MRPL1: variants seen among roughly 807,000 people sequenced by gnomAD.
The protein encoded by MRPL1 is mitochondrial ribosomal protein L1, also known as large ribosomal subunit protein uL1m.
In MRPL1, 28 loss-of-function variants were observed where a neutral mutation model predicts 38.0. That is an observed-to-expected ratio of 0.74 (90% CI 0.55 to 1.01). The LOEUF is 1.01. Ranked by LOEUF, MRPL1 falls within the 50% of genes least tolerant of loss-of-function variation. The pLI, the probability that MRPL1 is intolerant of heterozygous loss-of-function variation, is 0.00. For missense variants in MRPL1, 358 were observed against 389.8 expected (o/e 0.92, Z 0.69); for synonymous variants, 123 against 126.7 (o/e 0.97, Z 0.20).
chr4:77,941,115 A>G (rs1737117350), intron 7 of MRPL1, among the ~76,000 whole-genome samples: 1 of 152,116 alleles, frequency 6.6e-6, no homozygotes, highest in South Asian at 2.1e-4. Context: ...AAAATACAAA[A>G]TTAGCCGGGC....
intron 7 of MRPL1, among the ~76,000 whole-genome samples, chr4:77,931,613 C>T (rs888626038): frequency 6.6e-6 from 1 of 152,156 alleles, no homozygotes; most frequent in African/African-American, 2.4e-5. Flanking sequence ...ACTTTTGTTG[C>T]CAACCATTAC....
At chr4:77,900,044 C>T (rs761547403) in intron 6 of MRPL1, among the ~76,000 whole-genome samples, 5 of 152,162 alleles carry the variant, frequency 3.3e-5, no homozygotes, top group Non-Finnish European at 5.9e-5. Context: ...TTCATTATAA[C>T]ATCCATCCCA....
Position 77,898,814 on chromosome 4 carries a change from G to T in MRPL1, c.670+4564G>T, listed in dbSNP as rs535796111. ...CAGCTTGGACTATATACAATTTATAGTTTTTTTTTTATCAGAATAATTGTA... is the reference window on the plus strand; with the variant it reads ...CAGCTTGGACTATATACAATTTATATTTTTTTTTTTATCAGAATAATTGTA... On this transcript the variant is annotated intron_variant, in intron 6 of 8. Coordinates refer to ENST00000315567, the MANE Select transcript of MRPL1 (RefSeq NM_020236.4). Among the ~76,000 whole-genome samples the T allele has an allele frequency of 1.2e-3, 177 of 149,162 alleles. 1 individual carries two copies. Among genetic ancestry groups the T allele is most frequent in the African/African-American group, 4.3e-3 (176 of 40,760 alleles).
chr4:77,881,596 T>C (rs4859888), intron 2 of MRPL1, among the ~76,000 whole-genome samples: 116,213 of 151,900 alleles, frequency 0.77, 45,248 homozygotes, highest in African/African-American at 0.91. Flanking sequence ...TGTGTACCAC[T>C]ATGCCCAGCT....
chr4:77,939,530 G>A (rs549567562), intron 7 of MRPL1, among the ~76,000 whole-genome samples: 1 of 152,270 alleles, frequency 6.6e-6, no homozygotes, highest in African/African-American at 2.4e-5. Flanking sequence ...CTGCGCAGAA[G>A]CTTTTTAGTT....
chr4:77,934,310 G>A (rs947287159), intron 7 of MRPL1, among the ~76,000 whole-genome samples: 3 of 152,176 alleles, frequency 2.0e-5, no homozygotes, highest in African/African-American at 7.2e-5. Context: ...TATGATATGA[G>A]ACTTGAATCT....
chr4:77,952,631 T>C lies in MRPL1; in HGVS notation c.*24T>C. 2 of 1,454,900 alleles carry C rather than the reference T, an allele frequency of 1.4e-6. No individual in the cohort carries two copies. The allele number at this position is 1,454,900 out of a possible 1,614,324, so 90.1% of individuals were successfully genotyped here. ...AAATGTGGTGAATTGTGAAATTACT[T>C]TCAGTGGTTTAAGAAGCAATGGAGA... On this transcript the variant is annotated 3_prime_UTR_variant, in exon 9 of 9. Transcript: ENST00000315567.
At chr4:77,921,341 T>C (rs1344917274) in intron 7 of MRPL1, among the ~76,000 whole-genome samples, 3 of 152,168 alleles carry the variant, frequency 2.0e-5, no homozygotes, top group Admixed American at 1.3e-4. Flanking sequence ...AATATATATG[T>C]ACTTATGATG....
At chr4:77,865,404 A>G (rs1735104113) in intron 1 of MRPL1, among the ~76,000 whole-genome samples, 1 of 151,408 alleles carries the variant, frequency 6.6e-6, no homozygotes, top group Non-Finnish European at 1.5e-5. Context: ...TGTCCAGGCC[A>G]AAACCTCAGA....
At chr4:77,934,353 TAGAA>T (rs1326212524) in intron 7 of MRPL1, among the ~76,000 whole-genome samples, 5 of 152,160 alleles carry the variant, frequency 3.3e-5, no homozygotes, top group Admixed American at 6.5e-5. Flanking sequence ...AATTCAATAA[TAGAA>T]AGATAAATAA....
At chr4:77,918,258 A>T (rs1736470679) in intron 7 of MRPL1, among the ~76,000 whole-genome samples, 1 of 152,128 alleles carries the variant, frequency 6.6e-6, no homozygotes, top group African/African-American at 2.4e-5. Context: ...CACATTATTG[A>T]TTCAACTGTT....
At chr4:77,889,656 A>T (rs1338741332) in intron 5 of MRPL1, among the ~76,000 whole-genome samples, 1 of 152,218 alleles carries the variant, frequency 6.6e-6, no homozygotes, top group East Asian at 1.9e-4. Flanking sequence ...GGAGATAGAG[A>T]TACAAAAAAC....
At chr4:77,949,963 T>C (rs1578067666) in intron 8 of MRPL1, 85 bp downstream of exon 8, 1 of 702,408 alleles carries the variant, frequency 1.4e-6, no homozygotes. Flanking sequence ...CAAATTAACA[T>C]GCAAGTATAA....
intron 6 of MRPL1, among the ~76,000 whole-genome samples, chr4:77,896,118 T>C (rs1464331872): frequency 1.3e-5 from 2 of 151,956 alleles, no homozygotes; most frequent in East Asian, 3.8e-4. Context: ...TTTGCTACTT[T>C]ATCCATTCTC....
rs567509925 is a variant in MRPL1 at position 77,903,556 on chromosome 4, A to G, written c.671-5710A>G. Among the ~76,000 whole-genome samples, 11 of 152,350 alleles carry G rather than the reference A, an allele frequency of 7.2e-5. No individual in the cohort carries two copies. In the South Asian group the frequency reaches 2.3e-3, roughly 32 times the overall value. On this transcript the variant is annotated intron_variant, in intron 6 of 8. Coordinates refer to ENST00000315567, the MANE Select transcript of MRPL1 (RefSeq NM_020236.4). ...TTCCCAGATGATACTAAGCTATTTT[A>G]GTGAGTGAATTCTAATTAGTGAATT...
chr4:77,898,989 A>ATTTT (rs745761741), intron 6 of MRPL1, among the ~76,000 whole-genome samples: 11 of 95,080 alleles, frequency 1.2e-4, no homozygotes, highest in African/African-American at 4.8e-4. Context: ...TTATGCACAG[A>ATTTT]TTTTTTTTTT....
At chr4:77,872,802 G>T (rs1422480379) in intron 2 of MRPL1, among the ~76,000 whole-genome samples, 1 of 152,198 alleles carries the variant, frequency 6.6e-6, no homozygotes, top group Non-Finnish European at 1.5e-5. Flanking sequence ...AGCAGAGGTT[G>T]CAGCAAGCCG....
At chr4:77,925,097 A>G (rs1736681341) in intron 7 of MRPL1, among the ~76,000 whole-genome samples, 1 of 152,214 alleles carries the variant, frequency 6.6e-6, no homozygotes. Context: ...GATTACTTAC[A>G]GAAACTAGTA....
At chr4:77,877,609 T>TA (rs1553904275) in intron 2 of MRPL1, among the ~76,000 whole-genome samples, 4 of 149,308 alleles carry the variant, frequency 2.7e-5, no homozygotes, top group Admixed American at 6.7e-5. Context: ...TTTTTTTTTT[T>TA]AAATAAATGC....
Sources: gnomAD v4.1 joint callset for allele counts (sites outside exome capture counted in the v4.1 genomes callset) on GRCh38, gnomAD v4.1.1 for gene constraint, MANE v1.5 for transcripts, NCBI Gene and HGNC (gene_info 2026-07-23, HGNC 2026-07-21) for gene names.